The following BRMS1L variants were observed in gnomAD, a reference collection of about 807,000 sequenced individuals.
BRMS1L encodes the protein breast cancer metastasis-suppressor 1-like protein.
A neutral mutation model predicts 50.3 loss-of-function variants in BRMS1L; 23 were observed. The observed-to-expected ratio is 0.46, with a 90% CI of 0.33 to 0.65. The LOEUF (loss-of-function observed/expected upper bound fraction) is 0.65. BRMS1L is among the 30% of genes least tolerant of loss of function. The pLI, the probability that BRMS1L is intolerant of heterozygous loss-of-function variation, is 0.02. For missense variants in BRMS1L, 286 were observed against 386.1 expected, an observed-to-expected ratio of 0.74 and a Z score of 2.17; for synonymous variants, 114 against 126.9, an observed-to-expected ratio of 0.90 and a Z score of 0.69.
At chr14:35,844,063 A>G (rs1442263366) in intron 4 of BRMS1L, among the ~76,000 whole-genome samples, 1 of 152,170 alleles carries the variant, frequency 6.6e-6, no homozygotes, top group Non-Finnish European at 1.5e-5. Context: ...TCCCAGGTCA[A>G]CTTCAGACTG....
intron 4 of BRMS1L, among the ~76,000 whole-genome samples, chr14:35,835,441 C>A (rs1255576787): frequency 1.3e-5 from 2 of 152,160 alleles, no homozygotes; most frequent in Non-Finnish European, 2.9e-5. Flanking sequence ...TGTGAAAAAT[C>A]AGATCTTGGT....
intron 1 of BRMS1L, among the ~76,000 whole-genome samples, chr14:35,829,142 A>C (rs2077885988): frequency 6.6e-6 from 1 of 151,990 alleles, no homozygotes; most frequent in Non-Finnish European, 1.5e-5. Flanking sequence ...GGGTTTTGCC[A>C]CGTTGGCCAG....
At position 35,864,924 on chromosome 14, in the gene BRMS1L, G is replaced by A; in HGVS notation, c.623-11G>A. The A allele has an allele frequency of 6.5e-7, 1 of 1,539,302 alleles. No homozygotes were observed. The highest frequency in any genetic ancestry group is 8.8e-7 in the Non-Finnish European group (1 of 1,139,476). ...ATATTCTTACAGCTAAATTGACCTT[G>A]ACTATTCAACGTCCATATATAGTTT... On this transcript the variant is annotated splice_polypyrimidine_tract_variant and intron_variant, in intron 6 of 9. Transcript: ENST00000216807.
At chr14:35,859,958 C>T (rs1273970787) in intron 4 of BRMS1L, among the ~76,000 whole-genome samples, 1 of 152,072 alleles carries the variant, frequency 6.6e-6, no homozygotes, top group African/African-American at 2.4e-5. Context: ...ACCAGATGAA[C>T]TGTTTAATAA....
At chr14:35,826,761 G>C in intron 1 of BRMS1L, 103 bp downstream of exon 1, 2 of 1,502,640 alleles carry the variant, frequency 1.3e-6, no homozygotes, top group Non-Finnish European at 1.8e-6. Flanking sequence ...GCGGGGCGGG[G>C]ACAGAGGGAA....
At chr14:35,868,733 A>G (rs2142066686) in intron 9 of BRMS1L, among the ~76,000 whole-genome samples, 1 of 152,250 alleles carries the variant, frequency 6.6e-6, no homozygotes, top group South Asian at 2.1e-4. Flanking sequence ...TCATTTCACC[A>G]CACCATTGTA....
rs558265633 is a variant in BRMS1L at position 35,830,597 on chromosome 14, A to G, written c.143-813A>G. On this transcript the variant is annotated intron_variant, in intron 1 of 9. Transcript: ENST00000216807. Reference sequence around the variant, plus strand: ...GGTCTTGAACGCTTGAGCTCGAGCAATCCTCCAGCCTCAGCCTCCCAAAGT... The same window carrying G: ...GGTCTTGAACGCTTGAGCTCGAGCAGTCCTCCAGCCTCAGCCTCCCAAAGT... Among the ~76,000 whole-genome samples the G allele has an allele frequency of 7.2e-5, 11 of 152,024 alleles. No homozygotes were observed. The South Asian group carries it at 1.2e-3, about 17-fold the overall frequency.
rs1296233345 is a variant in BRMS1L at position 35,864,961 on chromosome 14, G to T, written c.649G>T (p.Asp217Tyr). ...SGPYIVYMLQDLDILEDWTTI... is the reference protein window; with the variant it reads ...SGPYIVYMLQYLDILEDWTTI... Reference sequence around the variant, plus strand: ...TCCATATATAGTTTATATGCTACAAGATCTTGATATTCTTGAAGACTGGAC... The same window carrying T: ...TCCATATATAGTTTATATGCTACAATATCTTGATATTCTTGAAGACTGGAC... The change falls in exon 7 of 10, where the codon GAT becomes TAT. Residue 217 changes from aspartate to tyrosine, a missense_variant. By Grantham distance (160) the Asp-to-Tyr change is radical (BLOSUM62 -3). This residue lies in a region of BRMS1L where 160 missense variants were observed against 240.6 expected (regional missense o/e 0.66). Transcript: ENST00000216807. 2 of 1,584,634 alleles carry T rather than the reference G, an allele frequency of 1.3e-6. No individual in the cohort carries two copies. Among genetic ancestry groups the T allele is most frequent in the Non-Finnish European group, 1.7e-6 (2 of 1,168,216 alleles).
chr14:35,860,792 T>A lies in BRMS1L; in HGVS notation c.442-1798T>A, dbSNP rs1266970332. ...TTGGGGCCACTTTCCTGGGGCTTTT[T>A]AAAGCTCTCCTGATGAGAAACAGCA... On this transcript the variant is annotated intron_variant, in intron 4 of 9. Coordinates refer to ENST00000216807, the MANE Select transcript of BRMS1L (RefSeq NM_032352.4). Among the ~76,000 whole-genome samples, 3 of 152,198 alleles carry A rather than the reference T, an allele frequency of 2.0e-5. No individual in the cohort carries two copies. The South Asian group carries it at 6.2e-4, about 31-fold the overall frequency.
At chr14:35,850,864 T>C (rs1303444148) in intron 4 of BRMS1L, among the ~76,000 whole-genome samples, 1 of 152,240 alleles carries the variant, frequency 6.6e-6, no homozygotes, top group Non-Finnish European at 1.5e-5. Context: ...TTATTTAATA[T>C]ACAGTTCTTA....
chr14:35,863,829 A>T (rs765064193), intron 5 of BRMS1L, 41 bp from the exon 6 acceptor site: 2 of 1,555,116 alleles, frequency 1.3e-6, no homozygotes, highest in East Asian at 2.2e-5. Context: ...TCCTTTGTTC[A>T]CCAGAAACCC....
chr14:35,850,813 A>G (rs1475045159), intron 4 of BRMS1L, among the ~76,000 whole-genome samples: 1 of 152,164 alleles, frequency 6.6e-6, no homozygotes, highest in East Asian at 1.9e-4. Flanking sequence ...AATTTTCCCA[A>G]CGTCATTTTA....
At position 35,871,658 on chromosome 14, in the gene BRMS1L, T is replaced by C. The variant is rs548688906; in HGVS notation, c.*1181T>C. The C allele has an allele frequency of 6.5e-6, 1 of 152,770 alleles. No individual in the cohort carries two copies. The highest frequency in any genetic ancestry group is 2.4e-5 in the African/African-American group (1 of 41,584). The allele number at this position is 152,770 out of a possible 1,614,324, so 9.5% of individuals were successfully genotyped here. ...AGAGGATGAGGAAGAAATCTACTTA[T>C]TAACACTTACTGCAGAAATGTCTGC... On this transcript the variant is annotated 3_prime_UTR_variant, in exon 10 of 10. Coordinates refer to ENST00000216807, the MANE Select transcript of BRMS1L (RefSeq NM_032352.4).
chr14:35,867,904 A>G lies in BRMS1L; in HGVS notation c.728-2A>G. 1 of 1,592,694 alleles carries G rather than the reference A, an allele frequency of 6.3e-7. No homozygotes were observed. The highest frequency in any genetic ancestry group is 8.5e-7 in the Non-Finnish European group (1 of 1,173,928). ...TAACAGTTTTTGAACTGATCCCTTT[A>G]GCACCTGTGAAACTGGAAAAACATC... On this transcript the variant is annotated splice_acceptor_variant, in intron 8 of 9. Coordinates refer to ENST00000216807, the MANE Select transcript of BRMS1L (RefSeq NM_032352.4). LOFTEE classifies it high-confidence loss of function.
chr14:35,865,764 A>G lies in BRMS1L; in HGVS notation c.727+3A>G, dbSNP rs748701878. On this transcript the variant is annotated splice_donor_region_variant and intron_variant, in intron 8 of 9. Coordinates refer to ENST00000216807, the MANE Select transcript of BRMS1L (RefSeq NM_032352.4). ...GCCACACAGAGTGAAAACGGAACGT[A>G]AGTCATTTAGTCTGAGTTGGGAAAT... The G allele has an allele frequency of 1.2e-6, 2 of 1,604,006 alleles. No individual in the cohort carries two copies. Among genetic ancestry groups the G allele is most frequent in the Non-Finnish European group, 1.7e-6 (2 of 1,177,266 alleles).
intron 4 of BRMS1L, among the ~76,000 whole-genome samples, chr14:35,860,037 C>T (rs1018012719): frequency 9.2e-5 from 14 of 152,102 alleles, no homozygotes; most frequent in African/African-American, 3.4e-4. Flanking sequence ...TTTTAGCTTT[C>T]ATTTTATAAA....
In BRMS1L at chr14:35,862,623, A is replaced by G. The variant is rs1375070284; in HGVS notation, c.475A>G (p.Ser159Gly). The stretch of plus-strand genomic sequence containing the variant: ...GCTGTTGCTATATGATACAGTCCAG[A>G]GTGAACTAGAGGAGAAGATAAGAAG... Reference protein sequence around the residue: ...EKLLLYDTVQSELEEKIRRLE... With the variant: ...EKLLLYDTVQGELEEKIRRLE... The change falls in exon 5 of 10, where the codon AGT becomes GGT. Residue 159 changes from serine to glycine, a missense_variant. By Grantham distance (56) the Ser-to-Gly change is moderately conservative (BLOSUM62 0). Coordinates refer to ENST00000216807, the MANE Select transcript of BRMS1L (RefSeq NM_032352.4). 1 of 1,611,930 alleles carries G rather than the reference A, an allele frequency of 6.2e-7. No homozygotes were observed. The highest frequency in any genetic ancestry group is 1.3e-5 in the African/African-American group (1 of 74,976).
intron 4 of BRMS1L, among the ~76,000 whole-genome samples, chr14:35,846,213 T>G (rs1055633181): frequency 4.1e-5 from 6 of 146,126 alleles, no homozygotes; most frequent in African/African-American, 1.5e-4. Flanking sequence ...AAAGCAAGAC[T>G]CTGTCAAAAC....
intron 4 of BRMS1L, among the ~76,000 whole-genome samples, chr14:35,855,988 A>C (rs969861381): frequency 3.9e-5 from 6 of 152,212 alleles, no homozygotes; most frequent in African/African-American, 1.4e-4. Flanking sequence ...GCAGTTTACC[A>C]TTTAATCTGA....
Sources: gnomAD v4.1 joint callset for allele counts (sites outside exome capture counted in the v4.1 genomes callset) on GRCh38, gnomAD v4.1.1 for gene constraint, gnomAD v4.1.1 regional missense constraint, MANE v1.5 for transcripts, NCBI Gene and HGNC (gene_info 2026-07-23, HGNC 2026-07-21) for gene names.